Variants in GRAMD2B observed in about 807,000 individuals in gnomAD.
GRAMD2B encodes the protein GRAM domain-containing protein 2B.
Under a neutral mutation model 59.2 loss-of-function variants are expected in GRAMD2B, and 41 were observed. The observed-to-expected ratio is 0.69, with a 90% CI of 0.54 to 0.90. The LOEUF is 0.90. GRAMD2B is among the 40% of genes least tolerant of loss of function. GRAMD2B has a pLI of 0.00. For synonymous variants in GRAMD2B, 161 were observed against 182.7 expected (o/e 0.88, Z 0.96); for missense variants, 424 against 500.5 (o/e 0.85, Z 1.46).
intron 1 of GRAMD2B, among the ~76,000 whole-genome samples, chr5:126,447,684 AAAG>A (rs1764565685): frequency 6.6e-6 from 1 of 150,820 alleles, no homozygotes; most frequent in Non-Finnish European, 1.5e-5. Flanking sequence ...AAAAAAAAAA[AAAG>A]AAAGAGATCA....
intron 1 of GRAMD2B, among the ~76,000 whole-genome samples, chr5:126,429,082 G>A (rs1761114408): frequency 6.6e-6 from 1 of 152,166 alleles, no homozygotes; most frequent in Non-Finnish European, 1.5e-5. Flanking sequence ...AAAGACACAT[G>A]CATGTGTATG....
At chr5:126,387,601 T>A (rs1756279824) in intron 1 of GRAMD2B, among the ~76,000 whole-genome samples, 1 of 151,794 alleles carries the variant, frequency 6.6e-6, no homozygotes. Flanking sequence ...CAAATTCATA[T>A]GCTGAGAGTA....
chr5:126,454,253 C>T (rs1042528148), intron 1 of GRAMD2B, among the ~76,000 whole-genome samples: 3 of 152,152 alleles, frequency 2.0e-5, no homozygotes, highest in African/African-American at 7.2e-5. Flanking sequence ...GCATTGTTAA[C>T]TCTGGAGCAG....
At chr5:126,418,744 A>T (rs1425351352), upstream of GRAMD2B, among the ~76,000 whole-genome samples, 2 of 152,210 alleles carry the variant, frequency 1.3e-5, no homozygotes, top group Non-Finnish European at 2.9e-5. Context: ...CATTCAGATA[A>T]TGCTTCTCAA....
At chr5:126,399,530 C>T (rs1437814982) in intron 1 of GRAMD2B, among the ~76,000 whole-genome samples, 1 of 152,114 alleles carries the variant, frequency 6.6e-6, no homozygotes, top group Admixed American at 6.6e-5. Context: ...TAAGACATGT[C>T]TTCCTTCCCC....
At chr5:126,433,957 ATCT>A (rs1007101819) in intron 1 of GRAMD2B, 13 of 152,242 alleles carry the variant, frequency 8.5e-5, no homozygotes, top group Admixed American at 2.6e-4. Flanking sequence ...AGGTTGGCAA[ATCT>A]TCTTCTTTTG....
chr5:126,489,687 G>C (rs1374826969), intron 13 of GRAMD2B, among the ~76,000 whole-genome samples: 2 of 152,220 alleles, frequency 1.3e-5, no homozygotes, highest in African/African-American at 4.8e-5. Context: ...TGGAGAAGAA[G>C]ATAGGCATGC....
chr5:126,406,762 G>T (rs983218660), intron 1 of GRAMD2B, among the ~76,000 whole-genome samples: 1 of 151,924 alleles, frequency 6.6e-6, no homozygotes, highest in Non-Finnish European at 1.5e-5. Flanking sequence ...GCAGCCTTTA[G>T]GTTTTTACTG....
In GRAMD2B at chr5:126,468,566, C is replaced by A. The variant is rs532029488; in HGVS notation, c.204-1111C>A. ...GCAATGGTGCAATATCAGCTCACTGCAACCTCTGCCTCCCGGGTTCAAGCG... is the reference window on the plus strand; with the variant it reads ...GCAATGGTGCAATATCAGCTCACTGAAACCTCTGCCTCCCGGGTTCAAGCG... On this transcript the variant is annotated intron_variant, in intron 2 of 13. Transcript: ENST00000285689. 7.2e-5 allele frequency among the ~76,000 whole-genome samples: 11 copies of A among 152,258 alleles called. No individual in the cohort carries two copies. The East Asian group carries it at 2.1e-3, about 29-fold the overall frequency.
rs146920697 is a variant in GRAMD2B at position 126,471,736 on chromosome 5, C to A, written c.316-502C>A. Among the ~76,000 whole-genome samples, 9 of 152,286 alleles carry A rather than the reference C, an allele frequency of 5.9e-5. No individual in the cohort carries two copies. In the East Asian group the frequency reaches 1.4e-3, roughly 23 times the overall value. On this transcript the variant is annotated intron_variant, in intron 3 of 13. Coordinates refer to ENST00000285689, the MANE Select transcript of GRAMD2B (RefSeq NM_023927.4). ...TTGAGGCTGGCACTGTTTTTGCCCTCTGGTACAGAAGAGGAAACCAAGGCC... is the reference window on the plus strand; with the variant it reads ...TTGAGGCTGGCACTGTTTTTGCCCTATGGTACAGAAGAGGAAACCAAGGCC...
rs913215554 is a variant in GRAMD2B, at chr5:126,423,530, C to G, written c.-77C>G. On this transcript the variant is annotated 5_prime_UTR_variant, in exon 1 of 14. Transcript: ENST00000285689. ...GCGCCGCTTGCTTGGCCTGCGCACC[C>G]GGACCTAGAAGCCGGGACGAGCCGG... is the stretch of plus-strand genomic sequence containing the variant. The G allele has an allele frequency of 2.1e-5, 33 of 1,560,752 alleles. No homozygotes were observed. The highest frequency in any genetic ancestry group is 2.8e-5 in the Non-Finnish European group (32 of 1,155,008).
At chr5:126,392,841 A>C (rs896164394) in intron 1 of GRAMD2B, among the ~76,000 whole-genome samples, 1 of 152,164 alleles carries the variant, frequency 6.6e-6, no homozygotes, top group Non-Finnish European at 1.5e-5. Flanking sequence ...TGCAGTTCGC[A>C]ATAGGGTTTG....
intron 1 of GRAMD2B, among the ~76,000 whole-genome samples, chr5:126,462,111 T>C (rs1039442447): frequency 6.6e-6 from 1 of 152,222 alleles, no homozygotes; most frequent in Non-Finnish European, 1.5e-5. Context: ...AGTAAATATT[T>C]GTTGAAAAAG....
intron 1 of GRAMD2B, among the ~76,000 whole-genome samples, chr5:126,417,969 A>G (rs1432379718): frequency 1.3e-5 from 2 of 152,230 alleles, no homozygotes; most frequent in African/African-American, 4.8e-5. Context: ...TGATGGTGGA[A>G]TTTTATTTTT....
At chr5:126,418,934 T>G (rs575971807), upstream of GRAMD2B, among the ~76,000 whole-genome samples, 1 of 152,334 alleles carries the variant, frequency 6.6e-6, no homozygotes, top group Non-Finnish European at 1.5e-5. Flanking sequence ...ATATCATGCA[T>G]AGTTAAGTTA....
At chr5:126,365,874 C>T (rs1410894588) in intron 1 of GRAMD2B, among the ~76,000 whole-genome samples, 1 of 152,146 alleles carries the variant, frequency 6.6e-6, no homozygotes, top group Non-Finnish European at 1.5e-5. Flanking sequence ...CTTACCCAAG[C>T]TGGTGGATAA....
intron 1 of GRAMD2B, among the ~76,000 whole-genome samples, chr5:126,381,592 G>A (rs1017376743): frequency 5.9e-5 from 9 of 152,106 alleles, no homozygotes; most frequent in Non-Finnish European, 1.2e-4. Context: ...TATGTGTTAG[G>A]TGAGTCTCTT....
At chr5:126,360,266 G>T in exon 1 of GRAMD2B, 1 of 1,532,200 alleles carries the variant, frequency 6.5e-7, no homozygotes, top group Non-Finnish European at 8.8e-7. Context: ...GGCAGATCTG[G>T]TGTAAATACA....
chr5:126,419,307 G>A (rs1049722641), upstream of GRAMD2B, among the ~76,000 whole-genome samples: 11 of 152,108 alleles, frequency 7.2e-5, no homozygotes, highest in Admixed American at 1.3e-4. Context: ...ATGGTGAAGC[G>A]AGAGAGAGGT....
Sources: allele counts gnomAD v4.1 joint callset (sites outside exome capture counted in the v4.1 genomes callset), GRCh38; gene constraint gnomAD v4.1.1; transcripts MANE v1.5; gene names NCBI Gene and HGNC (gene_info 2026-07-23, HGNC 2026-07-21).